The following CFAP47 variants were observed in gnomAD, a reference collection of about 807,000 sequenced individuals.
CFAP47 encodes the protein cilia and flagella associated protein 47, also known as cilia- and flagella-associated protein 47.
Under a neutral mutation model 148.1 loss-of-function variants are expected in CFAP47, and 29 were observed. The observed-to-expected ratio is 0.20, with a 90% CI of 0.15 to 0.27. The LOEUF is 0.27. Ranked by LOEUF, CFAP47 falls within the 10% of genes least tolerant of loss-of-function variation. The pLI is 1.00. For missense variants in CFAP47, 1,872 were observed against 1,697.5 expected (o/e 1.10, Z -1.81); for synonymous variants, 664 against 577.3 (o/e 1.15, Z -2.15).
At chrX:35,976,888 A>C (rs768198635) in intron 15 of CFAP47, among the ~76,000 whole-genome samples, 1 of 111,451 alleles carries the variant, frequency 9.0e-6, no homozygotes, top group Non-Finnish European at 1.9e-5. Context: ...CATCCTCTTA[A>C]CCTTGTTTCT....
At chrX:36,232,762 A>G (rs1180517299) in intron 46 of CFAP47, among the ~76,000 whole-genome samples, 1 of 111,509 alleles carries the variant, frequency 9.0e-6, no homozygotes, top group Admixed American at 9.5e-5. Flanking sequence ...AGTGCTATAA[A>G]TTTCCCTCTA....
At chrX:36,034,071 C>T (rs1937312185) in intron 23 of CFAP47, among the ~76,000 whole-genome samples, 1 of 111,393 alleles carries the variant, frequency 9.0e-6, no homozygotes, top group Non-Finnish European at 1.9e-5. Context: ...CACTAATGTC[C>T]ATTTACTGTC....
At chrX:36,203,558 A>G (rs895857446) in intron 44 of CFAP47, among the ~76,000 whole-genome samples, 5 of 111,536 alleles carry the variant, frequency 4.5e-5, no homozygotes, top group Non-Finnish European at 9.4e-5. Flanking sequence ...TATTGGATTT[A>G]CTTTTATGTT....
intron 60 of CFAP47, among the ~76,000 whole-genome samples, chrX:36,354,199 G>A (rs181623052): frequency 1.4e-4 from 16 of 110,788 alleles, no homozygotes; most frequent in South Asian, 3.8e-4. Flanking sequence ...TTACTATCTC[G>A]GGCCAGGTGC....
chrX:35,975,031 T>C (rs1354968923), intron 13 of CFAP47, 116 bp from the exon 14 acceptor site: 1 of 422,882 alleles, frequency 2.4e-6, no homozygotes, highest in African/African-American at 2.6e-5. Context: ...TAAATATTTT[T>C]TAAAATTTCA....
intron 56 of CFAP47, 25 bp downstream of exon 56, chrX:36,311,014 C>T (rs1556009878): frequency 1.1e-6 from 1 of 907,377 alleles, no homozygotes; most frequent in Non-Finnish European, 1.5e-6. Context: ...TTATATTTTA[C>T]ATGTTATTTT....
rs957163235 is a variant in CFAP47 at position 35,919,982 on chromosome X, G to A, written c.183G>A (p.Pro61=). The change falls in exon 1 of 64, where the codon CCG becomes CCA. Residue 61 remains proline, a synonymous_variant. Coordinates refer to ENST00000378653, the MANE Select transcript of CFAP47 (RefSeq NM_001304548.2). ...TGGCCGGGAGGGTGTACCGCCTCCC[G>A]ATTACTGTGCATAATATTTGCCGCT... The part of the protein sequence containing the change: ...DTMAGRVYRL[P]ITVHNICRWN... 5 of 1,209,428 alleles carry A rather than the reference G, an allele frequency of 4.1e-6. No homozygotes were observed. The highest frequency in any genetic ancestry group is 3.0e-5 in the East Asian group (1 of 33,750).
Position 36,065,627 on chromosome X carries a change from A to C in CFAP47, c.4218-16A>C. The C allele has an allele frequency of 9.2e-7, 1 of 1,083,271 alleles. No individual in the cohort carries two copies. The highest frequency in any genetic ancestry group is 1.3e-6 in the Non-Finnish European group (1 of 785,110). 89.3% of individuals were successfully genotyped at this position (1,083,271 alleles called of 1,213,427 possible). On this transcript the variant is annotated splice_polypyrimidine_tract_variant and intron_variant, in intron 26 of 63. Transcript: ENST00000378653. ...GAAATTTTTATTGTATTGAAATGCA[A>C]TGTTTTCACTTTCAGGTTTTCACTT...
At chrX:36,146,341 G>A (rs1406658340) in intron 36 of CFAP47, among the ~76,000 whole-genome samples, 1 of 106,382 alleles carries the variant, frequency 9.4e-6, no homozygotes, top group African/African-American at 3.8e-5. Flanking sequence ...TAATATTAAT[G>A]CTAGCTAACG....
At chrX:36,010,514 G>C (rs1462337128) in intron 21 of CFAP47, among the ~76,000 whole-genome samples, 2 of 105,715 alleles carry the variant, frequency 1.9e-5, no homozygotes, top group Non-Finnish European at 3.9e-5. Flanking sequence ...CTGGAGTGCA[G>C]TGGCATGATC....
chrX:36,379,422 A>G lies in CFAP47; in HGVS notation c.9258A>G (p.Gly3086=), dbSNP rs1942056852. ...DLEFFVKPQA[G]ELLPFNTNGT... ...AGTTTTTTGTAAAACCTCAGGCTGG[A>G]GAACTTCTTCCTTTTAACACAAACG... The change falls in exon 63 of 64, where the codon GGA becomes GGG. Residue 3086 remains glycine (G), a synonymous_variant. Transcript: ENST00000378653. 8.6e-7 allele frequency: 1 copy of G among 1,165,317 alleles called. No individual in the cohort carries two copies.
In CFAP47 at chrX:35,970,871, A is replaced by T; in HGVS notation, c.1918A>T (p.Met640Leu). Residue 640 changes from methionine (M) to leucine (L), a missense_variant, in exon 11 of 64, where the codon ATG becomes TTG. Physicochemically the swap from Met to Leu is conservative, Grantham distance 15. Coordinates refer to ENST00000378653, the MANE Select transcript of CFAP47 (RefSeq NM_001304548.2). ...GAAATTACATGAAAACTATTATGCA[A>T]TGTATCTTAAATATTTAAGAAGTGT... is the stretch of plus-strand genomic sequence containing the variant. ...QKKLHENYYA[M>L]YLKYLRSVRL... 1.7e-6 allele frequency: 2 copies of T among 1,191,960 alleles called. No individual in the cohort carries two copies. The highest frequency in any genetic ancestry group is 2.3e-6 in the Non-Finnish European group (2 of 883,894).
intron 23 of CFAP47, 68 bp downstream of exon 23, chrX:36,031,415 A>T: frequency 3.7e-6 from 1 of 272,442 alleles, no homozygotes; most frequent in Non-Finnish European, 6.5e-6. Flanking sequence ...TGTTAAGTTG[A>T]TTATTCATAA....
intron 21 of CFAP47, among the ~76,000 whole-genome samples, chrX:36,006,817 C>T (rs1209228236): frequency 4.5e-5 from 5 of 111,950 alleles, no homozygotes; most frequent in Non-Finnish European, 7.5e-5. Context: ...TGGAATTGTA[C>T]TTCCTATATG....
At chrX:36,314,999 T>TAGCA (rs1221255400) in intron 56 of CFAP47, among the ~76,000 whole-genome samples, 22 of 111,726 alleles carry the variant, frequency 2.0e-4, no homozygotes, top group African/African-American at 6.8e-4. Context: ...TGACCACAGG[T>TAGCA]AGCAGAAAAG....
intron 27 of CFAP47, among the ~76,000 whole-genome samples, chrX:36,070,739 G>A (rs1422901177): frequency 9.0e-6 from 1 of 111,000 alleles, no homozygotes; most frequent in African/African-American, 3.3e-5. Context: ...TGATCCGCCC[G>A]CCTTGGCCTC....
intron 33 of CFAP47, among the ~76,000 whole-genome samples, chrX:36,105,908 A>AT (rs2146798145): frequency 8.9e-6 from 1 of 112,351 alleles, no homozygotes. Flanking sequence ...ATTTTGCCAC[A>AT]TTTTTCCCAA....
Position 36,138,432 on chromosome X carries a change from C to A in CFAP47, c.5503C>A (p.Leu1835Ile). Residue 1835 changes from leucine (L) to isoleucine (I), a missense_variant, in exon 35 of 64, where the codon CTT becomes ATT. By Grantham distance (5) the Leu-to-Ile change is conservative (BLOSUM62 2). Coordinates refer to ENST00000378653, the MANE Select transcript of CFAP47 (RefSeq NM_001304548.2). ...CAATTGCCTGATTATTGTAAATACT[C>A]TTTATGAAATTGACTTTGACGTGGA... ...LHNCLIIVNTLYEIDFDVEIQ... is the reference protein window; with the variant it reads ...LHNCLIIVNTIYEIDFDVEIQ... 8.6e-7 allele frequency: 1 copy of A among 1,158,048 alleles called. No homozygotes were observed. The highest frequency in any genetic ancestry group is 2.2e-5 in the South Asian group (1 of 46,336).
chrX:35,979,660 A>C (rs1455579038), intron 15 of CFAP47, among the ~76,000 whole-genome samples: 3 of 111,926 alleles, frequency 2.7e-5, no homozygotes, highest in Non-Finnish European at 5.6e-5. Context: ...ATCACATAGG[A>C]GAGGCCTCAG....
Sources: gnomAD v4.1 joint callset for allele counts (sites outside exome capture counted in the v4.1 genomes callset) on GRCh38, gnomAD v4.1.1 for gene constraint, MANE v1.5 for transcripts, NCBI Gene and HGNC (gene_info 2026-07-23, HGNC 2026-07-21) for gene names.